Variants in CCDC191 observed in about 807,000 individuals in gnomAD.
CCDC191 encodes the protein coiled-coil domain-containing protein 191.
A neutral mutation model predicts 114.0 loss-of-function variants in CCDC191; 99 were observed. The ratio of observed to expected loss-of-function variants is 0.87; its 90% CI spans 0.74 to 1.03. CCDC191 has a LOEUF of 1.03. Among genes scored for constraint, CCDC191 ranks in the 50% least tolerant of loss-of-function variants. CCDC191 has a pLI of 0.00. For missense variants in CCDC191, 973 were observed against 1,087.0 expected (o/e 0.90, Z 1.47); for synonymous variants, 351 against 376.0 (o/e 0.93, Z 0.77).
At chr3:114,032,326 G>T (rs920867797) in intron 6 of CCDC191, among the ~76,000 whole-genome samples, 2 of 152,162 alleles carry the variant, frequency 1.3e-5, no homozygotes, top group Admixed American at 1.3e-4. Flanking sequence ...CAAGTAACCA[G>T]AATTATTTTA....
intron 16 of CCDC191, among the ~76,000 whole-genome samples, chr3:113,976,117 G>A (rs1227214957): frequency 2.0e-5 from 3 of 152,032 alleles, no homozygotes; most frequent in Admixed American, 6.6e-5. Flanking sequence ...AAATTAGCTG[G>A]GCATGGCAGT....
At chr3:114,018,372 A>C (rs1341286447) in intron 8 of CCDC191, among the ~76,000 whole-genome samples, 1 of 150,942 alleles carries the variant, frequency 6.6e-6, no homozygotes, top group African/African-American at 2.5e-5. Flanking sequence ...ACAGGATCTC[A>C]CTATGTTCCC....
At chr3:114,045,433 A>G (rs2076616528) in intron 3 of CCDC191, among the ~76,000 whole-genome samples, 1 of 152,032 alleles carries the variant, frequency 6.6e-6, no homozygotes, top group Admixed American at 6.5e-5. Context: ...GTGCAGTGGC[A>G]AGATCTTGGC....
intron 8 of CCDC191, among the ~76,000 whole-genome samples, chr3:114,012,222 C>CGTGTGT (rs35908762): frequency 1.9e-4 from 28 of 150,614 alleles, no homozygotes; most frequent in Non-Finnish European, 3.0e-4. Context: ...ACTCAATATA[C>CGTGTGT]GTGTGTGTGT....
intron 8 of CCDC191, 56 bp from the exon 9 acceptor site, chr3:114,011,077 G>A: frequency 6.5e-7 from 1 of 1,534,110 alleles, no homozygotes; most frequent in South Asian, 1.3e-5. Context: ...TTTGTTAATT[G>A]ATAATATAAA....
chr3:114,031,612 A>C lies in CCDC191; in HGVS notation c.972+14T>G, dbSNP rs771562660. 10 of 1,595,954 alleles carry C rather than the reference A, an allele frequency of 6.3e-6. No individual in the cohort carries two copies. The Admixed American group carries it at 1.0e-4, about 16-fold the overall frequency. On this transcript the variant is annotated intron_variant, in intron 7 of 16. Transcript: ENST00000295878. ...ACTACAGAATGCTGAGTAAAGAGAC[A>C]TTGCAATTCCCACCTGTTGATTTTC...
chr3:114,052,004 A>T (rs60571781), intron 2 of CCDC191, among the ~76,000 whole-genome samples: 17,148 of 152,294 alleles, frequency 0.11, 1,175 homozygotes, highest in Admixed American at 0.18. Flanking sequence ...GAAGTCATTT[A>T]TGACAACAGT....
In CCDC191 at chr3:114,016,838, A is replaced by G. The variant is rs914219810; in HGVS notation, c.1163+1840T>C. On this transcript the variant is annotated intron_variant, in intron 8 of 16. Transcript: ENST00000295878. Reference sequence around the variant, plus strand: ...AACTTCAACATCCAAGTGTCCACTCATTTTATGCCTGCACTCACATTGCAT... The same window carrying G: ...AACTTCAACATCCAAGTGTCCACTCGTTTTATGCCTGCACTCACATTGCAT... Among the ~76,000 whole-genome samples the G allele has an allele frequency of 5.7e-4, 87 of 152,278 alleles. 1 individual carries two copies. Among genetic ancestry groups the G allele is most frequent in the African/African-American group, 2.0e-3 (84 of 41,574 alleles).
chr3:113,979,885 A>C (rs556150732), intron 14 of CCDC191, among the ~76,000 whole-genome samples: 1 of 152,248 alleles, frequency 6.6e-6, no homozygotes, highest in East Asian at 1.9e-4. Flanking sequence ...GCACTGGATA[A>C]ATTTGTTAGG....
intron 8 of CCDC191, among the ~76,000 whole-genome samples, chr3:114,011,453 A>G (rs927545386): frequency 9.9e-5 from 15 of 152,244 alleles, no homozygotes; most frequent in Non-Finnish European, 1.9e-4. Context: ...CAACAAAATT[A>G]TAACACTTAA....
chr3:114,007,168 A>T (rs1230718526), intron 9 of CCDC191, among the ~76,000 whole-genome samples: 1 of 152,218 alleles, frequency 6.6e-6, no homozygotes, highest in Non-Finnish European at 1.5e-5. Flanking sequence ...TTATTTAGAA[A>T]CAGCTATCTT....
At chr3:113,997,448 T>G (rs904107580) in intron 13 of CCDC191, among the ~76,000 whole-genome samples, 1 of 152,296 alleles carries the variant, frequency 6.6e-6, no homozygotes, top group South Asian at 2.1e-4. Flanking sequence ...CAGTAGCAAT[T>G]AGACCCTCAG....
intron 9 of CCDC191, 97 bp downstream of exon 9, chr3:114,010,675 A>G (rs2107680300): frequency 8.2e-7 from 1 of 1,224,090 alleles, no homozygotes; most frequent in South Asian, 1.5e-5. Context: ...TAATCTTCTG[A>G]TAGCCTAGAC....
Position 114,049,058 on chromosome 3 carries a change from A to G in CCDC191, c.130-2326T>C, listed in dbSNP as rs6771443. ...ATCCAAATTCTTGTGCGTTTCATAC[A>G]TTAGCTTTAAGTCAGACAGAAGCAG... On this transcript the variant is annotated intron_variant, in intron 2 of 16. Transcript: ENST00000295878. Among the ~76,000 whole-genome samples the G allele has an allele frequency of 6.3e-3, 954 of 152,372 alleles. 8 individuals carry two copies. Among genetic ancestry groups the G allele is most frequent in the African/African-American group, 0.021 (882 of 41,594 alleles).
chr3:114,041,015 A>T (rs2076552304), intron 4 of CCDC191, among the ~76,000 whole-genome samples: 1 of 151,986 alleles, frequency 6.6e-6, no homozygotes, highest in South Asian at 2.1e-4. Flanking sequence ...TATTTGTTCA[A>T]TATTTCAATT....
intron 7 of CCDC191, among the ~76,000 whole-genome samples, chr3:114,021,552 G>A (rs574089944): frequency 2.6e-4 from 40 of 152,106 alleles, no homozygotes; most frequent in African/African-American, 8.9e-4. Flanking sequence ...AAATGTGTTC[G>A]AAGAAAATAT....
intron 7 of CCDC191, among the ~76,000 whole-genome samples, chr3:114,030,549 C>T (rs1178779903): frequency 1.3e-5 from 2 of 152,154 alleles, no homozygotes; most frequent in South Asian, 2.1e-4. Flanking sequence ...TTTCTCCCTA[C>T]TACATTTCCT....
intron 2 of CCDC191, among the ~76,000 whole-genome samples, chr3:114,051,042 T>A (rs2076692564): frequency 6.6e-6 from 1 of 152,224 alleles, no homozygotes; most frequent in Non-Finnish European, 1.5e-5. Context: ...CCTTGAGGTT[T>A]GGTTGTTCAT....
intron 2 of CCDC191, among the ~76,000 whole-genome samples, chr3:114,051,862 T>C (rs2076702322): frequency 6.6e-6 from 1 of 152,168 alleles, no homozygotes; most frequent in Non-Finnish European, 1.5e-5. Flanking sequence ...AAGGAAGTAT[T>C]AGAAGCAGCA....
Sources: gnomAD v4.1 joint callset for allele counts (sites outside exome capture counted in the v4.1 genomes callset) on GRCh38, gnomAD v4.1.1 for gene constraint, MANE v1.5 for transcripts, NCBI Gene and HGNC (gene_info 2026-07-23, HGNC 2026-07-21) for gene names.